Variants in CBLIF observed in about 807,000 individuals in gnomAD.
CBLIF encodes cobalamin binding intrinsic factor.
In CBLIF, 24 loss-of-function variants were observed where a neutral mutation model predicts 44.9. The ratio of observed to expected loss-of-function variants is 0.53; its 90% CI spans 0.39 to 0.75. CBLIF has a LOEUF of 0.75. CBLIF is among the 30% of genes least tolerant of loss of function. CBLIF has a pLI of 0.00. For missense variants in CBLIF, 481 were observed against 513.0 expected, an observed-to-expected ratio of 0.94 and a Z score of 0.60; for synonymous variants, 183 against 190.9, an observed-to-expected ratio of 0.96 and a Z score of 0.34.
chr11:59,842,472 A>C lies in CBLIF; in HGVS notation c.482T>G (p.Leu161Arg), dbSNP rs200856492. 105 of 1,613,828 alleles carry C rather than the reference A, an allele frequency of 6.5e-5. No individual in the cohort carries two copies. Among genetic ancestry groups the C allele is most frequent in the Non-Finnish European group, 8.6e-5 (102 of 1,180,026 alleles). ...LPIAVRFAKT[L>R]LANSSPFNVD... Reference sequence around the variant, plus strand: ...ATTGAAGGGAGAGGAGTTGGCCAGCAGGGTCTTGGCAAAGCGGACGGCTAT... The same window carrying C: ...ATTGAAGGGAGAGGAGTTGGCCAGCCGGGTCTTGGCAAAGCGGACGGCTAT... The change falls in exon 4 of 9, where the codon CTG becomes CGG. Residue 161 changes from leucine (L) to arginine (R), a missense_variant. Coordinates refer to ENST00000257248, the MANE Select transcript of CBLIF (RefSeq NM_005142.3).
At chr11:59,844,703 T>A (rs1013838980) in intron 1 of CBLIF, among the ~76,000 whole-genome samples, 2 of 152,204 alleles carry the variant, frequency 1.3e-5, no homozygotes, top group African/African-American at 4.8e-5. Flanking sequence ...ATGAAGAGTA[T>A]TAAAGATTTG....
chr11:59,831,946 C>A (rs1298234962), intron 7 of CBLIF, 150 bp from the exon 8 acceptor site: 1 of 649,014 alleles, frequency 1.5e-6, no homozygotes, highest in Non-Finnish European at 2.8e-6. Context: ...GTGGTGAGAT[C>A]CTAGCTTATG....
At chr11:59,845,071 C>T (rs1866587873) in intron 1 of CBLIF, among the ~76,000 whole-genome samples, 1 of 151,800 alleles carries the variant, frequency 6.6e-6, no homozygotes, top group South Asian at 2.1e-4. Flanking sequence ...CCATGTTGCC[C>T]AGGCTGGTCT....
At chr11:59,841,739 G>A (rs1454010019) in intron 4 of CBLIF, among the ~76,000 whole-genome samples, 1 of 152,178 alleles carries the variant, frequency 6.6e-6, no homozygotes, top group African/African-American at 2.4e-5. Flanking sequence ...AAGAGAGGTT[G>A]CTGATGGGGC....
intron 8 of CBLIF, among the ~76,000 whole-genome samples, chr11:59,830,281 A>G (rs998089936): frequency 1.4e-4 from 20 of 147,520 alleles, no homozygotes; most frequent in Admixed American, 6.8e-4. Flanking sequence ...CTGTCACCCA[A>G]GCTGGAGTGC....
chr11:59,844,189 G>A, intron 1 of CBLIF, 134 bp from the exon 2 acceptor site: 1 of 742,908 alleles, frequency 1.3e-6, no homozygotes, highest in Admixed American at 2.1e-5. Flanking sequence ...CCAGGCTAGA[G>A]TGCAATGGCA....
intron 8 of CBLIF, among the ~76,000 whole-genome samples, chr11:59,831,350 A>G (rs1866371222): frequency 1.3e-5 from 2 of 152,094 alleles, no homozygotes; most frequent in African/African-American, 4.8e-5. Flanking sequence ...CCTGGGTTTG[A>G]TTATCCACTT....
chr11:59,836,197 G>A (rs189369906), intron 6 of CBLIF, among the ~76,000 whole-genome samples, 188 bp from the exon 7 acceptor site: 4 of 152,194 alleles, frequency 2.6e-5, no homozygotes, highest in African/African-American at 9.7e-5. Flanking sequence ...CCTTGTTAAG[G>A]TTGGGACATC....
At chr11:59,842,995 C>T (rs1044857304) in intron 3 of CBLIF, 33 bp downstream of exon 3, 2 of 1,315,242 alleles carry the variant, frequency 1.5e-6, no homozygotes, top group Admixed American at 1.7e-5. Flanking sequence ...AACCATATGC[C>T]TGACTCTTTT....
Position 59,843,081 on chromosome 11 carries a change from G to T in CBLIF, c.317C>A (p.Pro106His), listed in dbSNP as rs749528399. 2.5e-6 allele frequency: 4 copies of T among 1,613,736 alleles called. No individual in the cohort carries two copies. The highest frequency in any genetic ancestry group is 3.4e-6 in the Non-Finnish European group (4 of 1,179,788). Residue 106 changes from proline to histidine, a missense_variant, in exon 3 of 9, where the codon CCT becomes CAT. By Grantham distance (77) the Pro-to-His change is moderately conservative. Coordinates refer to ENST00000257248, the MANE Select transcript of CBLIF (RefSeq NM_005142.3). ...IMALTSSCRD[P>H]GDKVSILQRQ... ...TTGTAGAATGGATACTTTATCCCCAGGGTCTCGGCAGGAGGAGGTGAGGGC... is the reference window on the plus strand; with the variant it reads ...TTGTAGAATGGATACTTTATCCCCATGGTCTCGGCAGGAGGAGGTGAGGGC...
At chr11:59,830,570 G>T (rs1013168186) in intron 8 of CBLIF, among the ~76,000 whole-genome samples, 5 of 152,058 alleles carry the variant, frequency 3.3e-5, no homozygotes, top group Admixed American at 6.6e-5. Flanking sequence ...TACATAGTAG[G>T]TGTGTATGTT....
chr11:59,844,056 C>G lies in CBLIF; in HGVS notation c.80-1G>C. ...AAGGGCTCCTGTGCTGAGGGAACGG[C>G]TGAGAAGAGGAAAGCCATTTACTCA... On this transcript the variant is annotated splice_acceptor_variant, in intron 1 of 8. Transcript: ENST00000257248. LOFTEE classifies it high-confidence loss of function. 1 of 1,612,516 alleles carries G rather than the reference C, an allele frequency of 6.2e-7. No individual in the cohort carries two copies.
In CBLIF at chr11:59,837,176, G is replaced by C; in HGVS notation, c.869C>G (p.Pro290Arg). 6.2e-7 allele frequency: 1 copy of C among 1,612,354 alleles called. No individual in the cohort carries two copies. The highest frequency in any genetic ancestry group is 8.5e-7 in the Non-Finnish European group (1 of 1,178,376). Reference sequence around the variant, plus strand: ...ATAAGGAGAGGTGGATGTCTTACCAGGACTACAAGTGACCTGGGGCACATC... The same window carrying C: ...ATAAGGAGAGGTGGATGTCTTACCACGACTACAAGTGACCTGGGGCACATC... ...YLDVPQVTCS[P>R]DHEVQPTLPS... The change falls in exon 6 of 9, where the codon CCT becomes CGT. Residue 290 changes from proline (P) to arginine (R), a missense_variant and splice_region_variant. Pro to Arg is a moderately radical substitution (Grantham distance 103, BLOSUM62 -2). Transcript: ENST00000257248.
rs1303712361 is a variant in CBLIF, at chr11:59,832,712, G to T, written c.1074-916C>A. On this transcript the variant is annotated intron_variant, in intron 7 of 8. Transcript: ENST00000257248. ...ATTTTAAAAAAGCAAACATACAAATGACTAATGAATATGAAATTACTTCAC... is the reference window on the plus strand; with the variant it reads ...ATTTTAAAAAAGCAAACATACAAATTACTAATGAATATGAAATTACTTCAC... Among the ~76,000 whole-genome samples the T allele has an allele frequency of 3.3e-5, 5 of 151,928 alleles. No individual in the cohort carries two copies. The East Asian group carries it at 9.7e-4, about 29-fold the overall frequency.
chr11:59,829,668 C>T (rs1271620752), intron 8 of CBLIF, 123 bp from the exon 9 acceptor site: 3 of 704,208 alleles, frequency 4.3e-6, no homozygotes, highest in Middle Eastern at 4.8e-4. Flanking sequence ...GTAAAATCAT[C>T]CTAGAGAGAA....
chr11:59,845,222 C>G, intron 1 of CBLIF, 153 bp downstream of exon 1: 1 of 1,061,220 alleles, frequency 9.4e-7, no homozygotes, highest in Non-Finnish European at 1.4e-6. Flanking sequence ...GCTATTAAGT[C>G]AGGAAGGATG....
At chr11:59,842,331 C>G in intron 4 of CBLIF, 112 bp downstream of exon 4, 1 of 1,203,472 alleles carries the variant, frequency 8.3e-7, no homozygotes, top group South Asian at 1.2e-5. Context: ...ACGTTCACAT[C>G]CTTAGCTCCT....
At chr11:59,845,328 C>G in intron 1 of CBLIF, 47 bp downstream of exon 1, 1 of 1,607,692 alleles carries the variant, frequency 6.2e-7, no homozygotes. Flanking sequence ...AGCCCCTTCC[C>G]CAGGGCAACT....
At chr11:59,833,967 A>G (rs1456284912) in intron 7 of CBLIF, among the ~76,000 whole-genome samples, 1 of 152,084 alleles carries the variant, frequency 6.6e-6, no homozygotes, top group Admixed American at 6.5e-5. Context: ...CCTGGGTTCC[A>G]CTCTCAACTC....
Sources: gnomAD v4.1 joint callset for allele counts (sites outside exome capture counted in the v4.1 genomes callset) on GRCh38, gnomAD v4.1.1 for gene constraint, MANE v1.5 for transcripts, NCBI Gene and HGNC (gene_info 2026-07-23, HGNC 2026-07-21) for gene names.